The following ZNF7 variants were observed in gnomAD, a reference collection of about 807,000 sequenced individuals.
The protein encoded by ZNF7 is zinc finger protein 7.
Under a neutral mutation model 12.0 loss-of-function variants are expected in ZNF7, and 10 were observed. The observed-to-expected ratio is 0.83, with a 90% CI of 0.51 to 1.42. The LOEUF is 1.42. Ranked by LOEUF, ZNF7 falls within the 40% of genes most tolerant of loss-of-function variation. ZNF7 has a pLI of 0.00. For missense variants in ZNF7, 854 were observed against 837.2 expected (o/e 1.02, Z -0.25); for synonymous variants, 334 against 295.0 (o/e 1.13, Z -1.35).
chr8:144,833,749 A>C (rs1346943793), intron 3 of ZNF7: 1 of 152,064 alleles, frequency 6.6e-6, no homozygotes, highest in Non-Finnish European at 1.5e-5. Flanking sequence ...TCTTAATACT[A>C]CAAGAATACT....
At position 144,841,426 on chromosome 8, in the gene ZNF7, A is replaced by G. The variant is rs763097695; in HGVS notation, c.319A>G (p.Thr107Ala). 2.4e-5 allele frequency: 38 copies of G among 1,614,086 alleles called. No individual in the cohort carries two copies. In the African/African-American group the frequency reaches 4.4e-4, roughly 19 times the overall value. ...CATCCTAAAATCAGAATCCTATGGG[A>G]CAGTGGTCAGAATCTCCCCACAGGA... The part of the protein sequence containing the change: ...MDILKSESYG[T>A]VVRISPQDFP... Residue 107 changes from threonine (T) to alanine (A), a missense_variant, in exon 5 of 5, where the codon ACA becomes GCA. By Grantham distance (58) the Thr-to-Ala change is moderately conservative (BLOSUM62 0). Coordinates refer to ENST00000532777, the MANE Select transcript of ZNF7 (RefSeq NM_003416.4).
At chr8:144,844,483 G>C (rs555072572), downstream of ZNF7, among the ~76,000 whole-genome samples, 1 of 152,126 alleles carries the variant, frequency 6.6e-6, no homozygotes. Context: ...GGTCGAGGTG[G>C]GTGGATCATG....
At position 144,827,648 on chromosome 8, in the gene ZNF7, G is replaced by A. The variant is rs146882915; in HGVS notation, c.-46+39G>A. 4.1e-6 allele frequency: 4 copies of A among 985,508 alleles called. No homozygotes were observed. The African/African-American group carries it at 5.2e-5, about 13-fold the overall frequency. The allele number at this position is 985,508 out of a possible 1,614,324, so 61.0% of individuals were successfully genotyped here. On this transcript the variant is annotated intron_variant, in intron 1 of 4. Coordinates refer to ENST00000532777, the MANE Select transcript of ZNF7 (RefSeq NM_003416.4). The stretch of plus-strand genomic sequence containing the variant: ...GCGGGCGCGGACTCGGGTTGCCCTC[G>A]GTCCGAGTGATCCCTGGTCGCTTCC...
chr8:144,842,835 A>AGG lies in ZNF7; in HGVS notation c.1731_1732dup (p.Val578GlyfsTer2), dbSNP rs1484007521. On this transcript the variant is annotated frameshift_variant, in exon 5 of 5. Coordinates refer to ENST00000532777, the MANE Select transcript of ZNF7 (RefSeq NM_003416.4). LOFTEE classifies it low-confidence loss of function (END_TRUNC). ...TTTTCCAACACCAGATAATTCATGCAGGGGTGAAGCCCTATGAGTGCAGTG... is the reference window on the plus strand; with the variant it reads ...TTTTCCAACACCAGATAATTCATGCAGGGGGGTGAAGCCCTATGAGTGCAGTG... The AGG allele has an allele frequency of 6.2e-7, 1 of 1,614,182 alleles. No individual in the cohort carries two copies. Among genetic ancestry groups the AGG allele is most frequent in the East Asian group, 2.2e-5 (1 of 44,876 alleles).
At chr8:144,839,607 A>G (rs1278226495) in intron 4 of ZNF7, among the ~76,000 whole-genome samples, 1 of 152,280 alleles carries the variant, frequency 6.6e-6, no homozygotes, top group Non-Finnish European at 1.5e-5. Context: ...AGAATCCCAC[A>G]GTAGGTGAGA....
intron 3 of ZNF7, among the ~76,000 whole-genome samples, chr8:144,832,923 C>A (rs187103901): frequency 6.6e-6 from 1 of 151,110 alleles, no homozygotes; most frequent in South Asian, 2.1e-4. Flanking sequence ...TGGCCAGGCT[C>A]GGTGGCTCAC....
At chr8:144,845,949 GGGGTT>G, downstream of ZNF7, 1 of 1,534,342 alleles carries the variant, frequency 6.5e-7, no homozygotes, top group Non-Finnish European at 8.7e-7. Flanking sequence ...GTCTAGCACA[GGGGTT>G]GCTGTTGCTT....
At position 144,843,055 on chromosome 8, in the gene ZNF7, A is replaced by G. The variant is rs1830171234; in HGVS notation, c.1948A>G (p.Ile650Val). 1.2e-6 allele frequency: 2 copies of G among 1,614,148 alleles called. No homozygotes were observed. Among genetic ancestry groups the G allele is most frequent in the Admixed American group, 1.7e-5 (1 of 60,020 alleles). ...GATATTTAGGTGGCGTTCACACCTA[A>G]TTATACACCAGAGAATTCACACCGG... is the stretch of plus-strand genomic sequence containing the variant. ...EKIFRWRSHLIIHQRIHTGEK... is the reference protein window; with the variant it reads ...EKIFRWRSHLVIHQRIHTGEK... The change falls in exon 5 of 5, where the codon ATT becomes GTT. Residue 650 changes from isoleucine (I) to valine (V), a missense_variant. Coordinates refer to ENST00000532777, the MANE Select transcript of ZNF7 (RefSeq NM_003416.4).
downstream of ZNF7, among the ~76,000 whole-genome samples, chr8:144,844,537 C>T (rs1375707139): frequency 2.6e-5 from 4 of 151,104 alleles, no homozygotes; most frequent in East Asian, 1.9e-4. Flanking sequence ...AGTGAAACCC[C>T]GTGTCTACTA....
At chr8:144,836,645 C>T (rs1013084) in intron 3 of ZNF7, 54,711 of 152,218 alleles carry the variant, frequency 0.36, 9,969 homozygotes, top group South Asian at 0.46. Context: ...GGGGTTTCAG[C>T]TTATTGGCTA....
At position 144,838,184 on chromosome 8, in the gene ZNF7, G is replaced by A. The variant is rs773146183; in HGVS notation, c.247+677G>A. 1.6e-3 allele frequency: 1,146 copies of A among 701,498 alleles called. 16 individuals carry two copies. Among genetic ancestry groups the A allele is most frequent in the Middle Eastern group, 2.1e-3 (9 of 4,384 alleles). 43.5% of individuals were successfully genotyped at this position (701,498 alleles called of 1,614,324 possible). On this transcript the variant is annotated intron_variant, in intron 4 of 4. Coordinates refer to ENST00000532777, the MANE Select transcript of ZNF7 (RefSeq NM_003416.4). ...ACTCTGATCTCCGACTCCTTCACAC[G>A]GCTGCCTTCTCCCTGCGTGTCTGTG...
intron 4 of ZNF7, among the ~76,000 whole-genome samples, chr8:144,840,359 A>G (rs1040308720): frequency 1.3e-5 from 2 of 152,166 alleles, no homozygotes; most frequent in South Asian, 2.1e-4. Flanking sequence ...CTCACCACCA[A>G]TGGTTAGGAG....
downstream of ZNF7, chr8:144,845,934 T>C (rs1334077418): frequency 3.9e-6 from 6 of 1,525,076 alleles, no homozygotes; most frequent in Non-Finnish European, 5.3e-6. Flanking sequence ...GGTGGTCACC[T>C]TCAGGTCTAG....
At chr8:144,827,859 C>T (rs890182335) in intron 1 of ZNF7, 1 of 212,026 alleles carries the variant, frequency 4.7e-6, no homozygotes, top group Non-Finnish European at 8.1e-6. Context: ...AGACCCCGCT[C>T]GTGGCGGCCA....
intron 3 of ZNF7, among the ~76,000 whole-genome samples, chr8:144,833,452 T>C (rs956839147): frequency 6.6e-6 from 1 of 151,984 alleles, no homozygotes; most frequent in Non-Finnish European, 1.5e-5. Context: ...CACTGCAACC[T>C]CTGCCTCCCA....
downstream of ZNF7, among the ~76,000 whole-genome samples, chr8:144,845,351 C>G (rs1025922585): frequency 2.0e-5 from 3 of 151,896 alleles, no homozygotes; most frequent in Non-Finnish European, 2.9e-5. Flanking sequence ...TGAGCCTGCT[C>G]TGTTGGGAGC....
chr8:144,832,860 A>C (rs1465230090), intron 3 of ZNF7, among the ~76,000 whole-genome samples: 3 of 151,870 alleles, frequency 2.0e-5, no homozygotes, highest in Admixed American at 1.3e-4. Context: ...TCCCTGTTTT[A>C]TTTTGTCCAC....
chr8:144,832,152 A>G (rs2466402), intron 3 of ZNF7, among the ~76,000 whole-genome samples: 16,706 of 101,206 alleles, frequency 0.17, 5,646 homozygotes, highest in East Asian at 0.39. Context: ...AGTGGCTCAC[A>G]CCTGTAATCC....
rs1322796188 is a variant in ZNF7 at position 144,843,032 on chromosome 8, T to A, written c.1925T>A (p.Ile642Lys). 6.2e-7 allele frequency: 1 copy of A among 1,614,182 alleles called. No homozygotes were observed. Among genetic ancestry groups the A allele is most frequent in the Non-Finnish European group, 8.5e-7 (1 of 1,180,034 alleles). ...KLHQCEDCEK[I>K]FRWRSHLIIH... is the part of the protein sequence containing the mutation. ...CATCAGTGTGAAGACTGTGAGAAGATATTTAGGTGGCGTTCACACCTAATT... is the reference window on the plus strand; with the variant it reads ...CATCAGTGTGAAGACTGTGAGAAGAAATTTAGGTGGCGTTCACACCTAATT... Residue 642 changes from isoleucine (I) to lysine (K), a missense_variant, in exon 5 of 5, where the codon ATA becomes AAA. Coordinates refer to ENST00000532777, the MANE Select transcript of ZNF7 (RefSeq NM_003416.4).
Sources: allele counts gnomAD v4.1 joint callset (sites outside exome capture counted in the v4.1 genomes callset), GRCh38; gene constraint gnomAD v4.1.1; transcripts MANE v1.5; gene names NCBI Gene and HGNC (gene_info 2026-07-23, HGNC 2026-07-21).